The following CDH18 variants were observed in gnomAD, a reference collection of about 807,000 sequenced individuals.
CDH18 encodes the protein cadherin-18.
In CDH18, 31 loss-of-function variants were observed where a neutral mutation model predicts 67.9. The observed-to-expected ratio is 0.46, with a 90% CI of 0.34 to 0.62. The LOEUF (loss-of-function observed/expected upper bound fraction) is 0.62. Among genes scored for constraint, CDH18 ranks in the 20% least tolerant of loss-of-function variants. The pLI is 0.01. For missense variants in CDH18, 890 were observed against 975.5 expected, an observed-to-expected ratio of 0.91 and a Z score of 1.17; for synonymous variants, 362 against 347.2, an observed-to-expected ratio of 1.04 and a Z score of -0.48.
chr5:19,874,420 T>C (rs984898278), intron 2 of CDH18, among the ~76,000 whole-genome samples: 3 of 151,970 alleles, frequency 2.0e-5, no homozygotes, highest in South Asian at 2.1e-4. Flanking sequence ...TATGAAACTA[T>C]AACAAAGCAT....
At chr5:20,424,405 T>C (rs948011831) in intron 1 of CDH18, among the ~76,000 whole-genome samples, 1 of 140,262 alleles carries the variant, frequency 7.1e-6, no homozygotes, top group African/African-American at 2.7e-5. Context: ...GAGTTTCAGA[T>C]TATCTTTTTT....
At chr5:19,743,595 T>C (rs983178173) in intron 4 of CDH18, among the ~76,000 whole-genome samples, 18 of 152,146 alleles carry the variant, frequency 1.2e-4, no homozygotes, top group African/African-American at 4.3e-4. Flanking sequence ...TCTGCAGATC[T>C]TTGCCTATAA....
intron 1 of CDH18, among the ~76,000 whole-genome samples, chr5:20,539,849 GA>G (rs1756956460): frequency 1.3e-5 from 2 of 151,890 alleles, no homozygotes; most frequent in African/African-American, 4.8e-5. Context: ...AGTTGAGTTT[GA>G]AAATCTCTGT....
chr5:20,539,180 C>G (rs778738885), intron 1 of CDH18, among the ~76,000 whole-genome samples: 2 of 151,968 alleles, frequency 1.3e-5, no homozygotes, highest in African/African-American at 4.8e-5. Context: ...TGTGAGCCAC[C>G]GCACTGGGTG....
At chr5:20,145,700 C>T (rs1169501538) in intron 2 of CDH18, among the ~76,000 whole-genome samples, 5 of 152,178 alleles carry the variant, frequency 3.3e-5, no homozygotes, top group Non-Finnish European at 7.3e-5. Context: ...TAACATTCTA[C>T]TAACCTCTCC....
intron 4 of CDH18, among the ~76,000 whole-genome samples, chr5:19,734,554 A>T (rs1365747548): frequency 6.6e-6 from 1 of 152,148 alleles, no homozygotes; most frequent in Non-Finnish European, 1.5e-5. Context: ...TTTTTCTCGG[A>T]TTGCACAGAT....
chr5:19,868,272 A>C (rs1359969985), intron 2 of CDH18, among the ~76,000 whole-genome samples: 2 of 151,842 alleles, frequency 1.3e-5, no homozygotes, highest in Non-Finnish European at 1.5e-5. Context: ...TTTCACCACC[A>C]CCCCCTATCT....
intron 1 of CDH18, among the ~76,000 whole-genome samples, chr5:20,394,317 C>T (rs1336397381): frequency 6.6e-6 from 1 of 152,044 alleles, no homozygotes; most frequent in Non-Finnish European, 1.5e-5. Context: ...GAAAAGGACA[C>T]ACTATTCCAT....
intron 10 of CDH18, among the ~76,000 whole-genome samples, chr5:19,513,293 T>C (rs143281357): frequency 6.6e-6 from 1 of 152,170 alleles, no homozygotes; most frequent in African/African-American, 2.4e-5. Context: ...TTGTGTCAGC[T>C]TTGACAAACT....
At chr5:19,520,439 G>T (rs994620790) in intron 10 of CDH18, among the ~76,000 whole-genome samples, 4 of 152,142 alleles carry the variant, frequency 2.6e-5, no homozygotes, top group African/African-American at 9.7e-5. Flanking sequence ...ATTCATGAAT[G>T]AATTCATTTT....
rs548953411 is a variant in CDH18 at position 19,837,439 on chromosome 5, A to T, written c.228+1320T>A. Among the ~76,000 whole-genome samples, 6 of 152,258 alleles carry T rather than the reference A, an allele frequency of 3.9e-5. No individual in the cohort carries two copies. The East Asian group carries it at 1.2e-3, about 29-fold the overall frequency. ...TAAAAAAAAAAGGATTTTGAAGTTC[A>T]TAACCCAGGTAAATTTCTACTAATC... On this transcript the variant is annotated intron_variant, in intron 3 of 12. Coordinates refer to ENST00000382275, the MANE Select transcript of CDH18 (RefSeq NM_004934.5).
At chr5:20,534,088 G>A (rs950730401) in intron 1 of CDH18, among the ~76,000 whole-genome samples, 2 of 152,080 alleles carry the variant, frequency 1.3e-5, no homozygotes, top group Middle Eastern at 3.4e-3. Context: ...TACATTAGAG[G>A]TTAAGACTAA....
intron 11 of CDH18, 36 bp downstream of exon 11, chr5:19,502,956 C>A (rs1324624355): frequency 3.4e-6 from 4 of 1,166,600 alleles, no homozygotes; most frequent in Admixed American, 1.7e-5. Context: ...AAAGCAGATA[C>A]CACATAGATA....
At chr5:20,372,237 G>A (rs73058710) in intron 1 of CDH18, among the ~76,000 whole-genome samples, 2 of 152,094 alleles carry the variant, frequency 1.3e-5, no homozygotes, top group Admixed American at 6.5e-5. Context: ...TAATATTTTA[G>A]TTGTACATAT....
At chr5:19,596,201 C>T (rs1181444560) in intron 6 of CDH18, among the ~76,000 whole-genome samples, 6 of 152,088 alleles carry the variant, frequency 3.9e-5, no homozygotes, top group African/African-American at 1.4e-4. Flanking sequence ...TGTCAATGGT[C>T]GTGTTTCCAA....
At chr5:19,483,706 C>A (rs552728408) in intron 11 of CDH18, among the ~76,000 whole-genome samples, 154 bp from the exon 12 acceptor site, 10 of 152,142 alleles carry the variant, frequency 6.6e-5, no homozygotes, top group Non-Finnish European at 1.3e-4. Context: ...TAAAGAGAAG[C>A]TAATATTGGT....
intron 2 of CDH18, among the ~76,000 whole-genome samples, chr5:19,874,671 A>G (rs147099222): frequency 1.6e-3 from 245 of 152,316 alleles, no homozygotes; most frequent in African/African-American, 5.6e-3. Flanking sequence ...AAAGAGAGAG[A>G]AATTGAATTG....
chr5:20,300,303 C>CGTGCGTGT (rs1747869156), intron 1 of CDH18, among the ~76,000 whole-genome samples: 1 of 148,506 alleles, frequency 6.7e-6, no homozygotes, highest in Non-Finnish European at 1.5e-5. Flanking sequence ...TGTGTGTGTG[C>CGTGCGTGT]GTGTGTGTGT....
chr5:20,103,749 A>T (rs1416102012), intron 2 of CDH18, among the ~76,000 whole-genome samples: 2 of 151,380 alleles, frequency 1.3e-5, no homozygotes, highest in Non-Finnish European at 2.9e-5. Flanking sequence ...AAAAAGAAAA[A>T]TATAAATTGT....
Sources: gnomAD v4.1 joint callset for allele counts (sites outside exome capture counted in the v4.1 genomes callset) on GRCh38, gnomAD v4.1.1 for gene constraint, MANE v1.5 for transcripts, NCBI Gene and HGNC (gene_info 2026-07-23, HGNC 2026-07-21) for gene names.